Variants in MLIP observed in about 807,000 individuals in gnomAD.
MLIP encodes the protein muscular LMNA-interacting protein.
A neutral mutation model predicts 84.8 loss-of-function variants in MLIP; 79 were observed. The ratio of observed to expected loss-of-function variants is 0.93; its 90% CI spans 0.78 to 1.12. The LOEUF (loss-of-function observed/expected upper bound fraction) is 1.12, where lower values mean the gene tolerates loss of function less well. Among genes scored for constraint, MLIP ranks in the 50% most tolerant of loss-of-function variants. MLIP has a pLI of 0.00. For synonymous variants in MLIP, 504 were observed against 463.0 expected (o/e 1.09, Z -1.14); for missense variants, 1,257 against 1,160.6 (o/e 1.08, Z -1.21).
chr6:54,220,565 G>T (rs1780149693), intron 11 of MLIP, among the ~76,000 whole-genome samples: 1 of 152,088 alleles, frequency 6.6e-6, no homozygotes, highest in Admixed American at 6.6e-5. Context: ...CACCTTTGAA[G>T]ATCTGAAAAA....
chr6:54,027,588 G>A (rs1258669475), intron 1 of MLIP, among the ~76,000 whole-genome samples: 1 of 152,096 alleles, frequency 6.6e-6, no homozygotes, highest in Non-Finnish European at 1.5e-5. Context: ...TGAGGAAAAA[G>A]TGGACGCACA....
chr6:54,021,370 C>T (rs1407653957), intron 1 of MLIP, among the ~76,000 whole-genome samples: 1 of 152,114 alleles, frequency 6.6e-6, no homozygotes, highest in East Asian at 1.9e-4. Context: ...CTGTATCTCT[C>T]ATAAGGATCT....
intron 3 of MLIP, among the ~76,000 whole-genome samples, chr6:54,135,699 T>C (rs1181655573): frequency 1.3e-5 from 2 of 152,158 alleles, no homozygotes; most frequent in African/African-American, 4.8e-5. Flanking sequence ...GACATGCATG[T>C]TTATTATTTC....
chr6:54,251,068 C>T (rs1016752661), intron 12 of MLIP, among the ~76,000 whole-genome samples: 1 of 151,936 alleles, frequency 6.6e-6, no homozygotes, highest in Non-Finnish European at 1.5e-5. Context: ...GACCTATTAG[C>T]AGGTACTTAA....
chr6:54,124,795 G>A lies in MLIP; in HGVS notation c.575G>A (p.Gly192Glu). 1 of 1,613,968 alleles carries A rather than the reference G, an allele frequency of 6.2e-7. No homozygotes were observed. The highest frequency in any genetic ancestry group is 8.5e-7 in the Non-Finnish European group (1 of 1,179,962). ...GATGTAGTGCGTCCCAAAACACAGG[G>A]GACTGATCTCAAGACCTCATCACAT... ...VSDVVRPKTQ[G>E]TDLKTSSHPE... Residue 192 changes from glycine to glutamate, a missense_variant, in exon 3 of 14, where the codon GGG becomes GAG. Transcript: ENST00000502396.
rs181558640 is a variant in MLIP at position 54,218,002 on chromosome 6, A to G, written c.2719-12712A>G. On this transcript the variant is annotated intron_variant, in intron 11 of 13. Transcript: ENST00000502396. ...ATGCCATTAGTGTGTTTTGAAGCAA[A>G]TCTCAAACAGGGGTCACAAACTATG... 11 of 985,426 alleles carry G rather than the reference A, an allele frequency of 1.1e-5. No homozygotes were observed. The East Asian group carries it at 1.1e-3, about 102-fold the overall frequency. 61.0% of individuals were successfully genotyped at this position (985,426 alleles called of 1,614,324 possible).
intron 1 of MLIP, among the ~76,000 whole-genome samples, chr6:54,061,358 A>G (rs1765954864): frequency 6.6e-6 from 1 of 152,160 alleles, no homozygotes; most frequent in Non-Finnish European, 1.5e-5. Flanking sequence ...TGCACTAACC[A>G]GCTGAGTTGT....
chr6:54,161,939 C>A (rs78495924), intron 8 of MLIP, among the ~76,000 whole-genome samples: 1 of 151,374 alleles, frequency 6.6e-6, no homozygotes, highest in Non-Finnish European at 1.5e-5. Context: ...TGTAAAAGAC[C>A]TGTATTATAT....
chr6:54,109,864 A>G (rs1444525544), upstream of MLIP, among the ~76,000 whole-genome samples: 1 of 151,680 alleles, frequency 6.6e-6, no homozygotes, highest in African/African-American at 2.4e-5. Context: ...TGTGTGCAGT[A>G]GTTTAAGAAG....
chr6:54,250,278 C>A (rs141205422), intron 12 of MLIP, among the ~76,000 whole-genome samples: 56 of 152,046 alleles, frequency 3.7e-4, no homozygotes, highest in African/African-American at 1.3e-3. Flanking sequence ...CAAATTAGTT[C>A]GACCATGTGG....
chr6:54,224,154 C>G (rs767997902), intron 11 of MLIP, among the ~76,000 whole-genome samples: 7 of 151,852 alleles, frequency 4.6e-5, no homozygotes, highest in Non-Finnish European at 1.0e-4. Flanking sequence ...AGTTGTAAAA[C>G]TCATAATAGC....
chr6:54,028,675 G>A (rs1763956768), intron 1 of MLIP, among the ~76,000 whole-genome samples: 1 of 152,146 alleles, frequency 6.6e-6, no homozygotes, highest in South Asian at 2.1e-4. Flanking sequence ...ATTCAGCCCA[G>A]CAATCCTTTG....
intron 3 of MLIP, among the ~76,000 whole-genome samples, chr6:54,135,477 T>C (rs1283751954): frequency 2.0e-5 from 3 of 152,130 alleles, no homozygotes; most frequent in African/African-American, 7.2e-5. Flanking sequence ...TAAAACTATA[T>C]GACATGAAAA....
upstream of MLIP, among the ~76,000 whole-genome samples, chr6:54,108,002 A>G (rs936588374): frequency 1.4e-5 from 2 of 147,102 alleles, no homozygotes; most frequent in African/African-American, 5.0e-5. Flanking sequence ...CAGGAAGAGG[A>G]TTATTTGTTC....
chr6:54,236,079 G>C (rs1211026093), intron 12 of MLIP, among the ~76,000 whole-genome samples: 1 of 152,076 alleles, frequency 6.6e-6, no homozygotes. Flanking sequence ...ATCTTTCTCT[G>C]TTCTGTTCAT....
chr6:54,225,441 C>A (rs891417211), intron 11 of MLIP, among the ~76,000 whole-genome samples: 2 of 152,090 alleles, frequency 1.3e-5, no homozygotes, highest in Non-Finnish European at 2.9e-5. Flanking sequence ...ATATGCAGTT[C>A]GTTGTTGGCT....
intron 11 of MLIP, among the ~76,000 whole-genome samples, chr6:54,229,144 G>T (rs1477801679): frequency 6.6e-6 from 1 of 152,166 alleles, no homozygotes; most frequent in African/African-American, 2.4e-5. Context: ...TCTGTTAGGT[G>T]AATTGATTTT....
chr6:54,087,272 G>T (rs1402257814), intron 1 of MLIP, among the ~76,000 whole-genome samples: 1 of 152,136 alleles, frequency 6.6e-6, no homozygotes, highest in Non-Finnish European at 1.5e-5. Context: ...GGGCAAGGAG[G>T]TGTTACAATA....
intron 9 of MLIP, among the ~76,000 whole-genome samples, chr6:54,187,878 G>A (rs1043065224): frequency 1.3e-5 from 2 of 152,100 alleles, no homozygotes; most frequent in African/African-American, 2.4e-5. Flanking sequence ...GTGGCAGCAC[G>A]CGCCTGTACT....
Sources: allele counts gnomAD v4.1 joint callset (sites outside exome capture counted in the v4.1 genomes callset), GRCh38; gene constraint gnomAD v4.1.1; transcripts MANE v1.5; gene names NCBI Gene and HGNC (gene_info 2026-07-23, HGNC 2026-07-21).